Variants in RASSF2 observed in about 807,000 individuals in gnomAD.
RASSF2 encodes ras association domain-containing protein 2.
A neutral mutation model predicts 46.3 loss-of-function variants in RASSF2; 34 were observed. The observed-to-expected ratio is 0.73, with a 90% CI of 0.56 to 0.98. The LOEUF is 0.98. Ranked by LOEUF, RASSF2 falls within the 50% of genes least tolerant of loss-of-function variation. The probability of loss-of-function intolerance (pLI) is 0.00; values close to 1 mark genes in which losing one functional copy is unlikely to be tolerated. For missense variants in RASSF2, 364 were observed against 431.2 expected, an observed-to-expected ratio of 0.84 and a Z score of 1.38; for synonymous variants, 158 against 162.5, an observed-to-expected ratio of 0.97 and a Z score of 0.21.
intron 2 of RASSF2, among the ~76,000 whole-genome samples, chr20:4,810,930 G>T (rs373417626): frequency 1.3e-5 from 2 of 152,284 alleles, no homozygotes; most frequent in East Asian, 3.9e-4. Flanking sequence ...CCAAAGCCTG[G>T]ACTGAAACCA....
chr20:4,811,805 G>A (rs1927843317), intron 2 of RASSF2, among the ~76,000 whole-genome samples: 6 of 152,112 alleles, frequency 3.9e-5, no homozygotes, highest in Admixed American at 3.3e-4. Context: ...CTGGAGGCCT[G>A]TAGCTTCCTC....
intron 6 of RASSF2, among the ~76,000 whole-genome samples, chr20:4,791,624 C>A (rs1031217339): frequency 8.5e-5 from 13 of 152,234 alleles, no homozygotes; most frequent in African/African-American, 2.9e-4. Context: ...TGCAAACTGA[C>A]AATATCTATG....
Position 4,780,307 on chromosome 20 carries a change from T to C in RASSF2, c.*3966A>G, listed in dbSNP as rs1924678607. On this transcript the variant is annotated 3_prime_UTR_variant, in exon 12 of 12. Transcript: ENST00000379400. ...AGAAACATCAGCCTGGAAACAGGTC[T>C]GCGATCTGCAGGGAAGACTCCAAAG... 6.6e-6 allele frequency: 1 copy of C among 152,218 alleles called. No homozygotes were observed. The highest frequency in any genetic ancestry group is 1.5e-5 in the Non-Finnish European group (1 of 68,034). 9.4% of individuals were successfully genotyped at this position (152,218 alleles called of 1,614,324 possible).
Position 4,784,017 on chromosome 20 carries a change from T to C in RASSF2, c.*256A>G, listed in dbSNP as rs567304044. On this transcript the variant is annotated 3_prime_UTR_variant, in exon 12 of 12. Transcript: ENST00000379400. ...CACGTACCATGTGTGCACACACATGTACACACACACATTTTGGGTCCTCCT... is the reference window on the plus strand; with the variant it reads ...CACGTACCATGTGTGCACACACATGCACACACACACATTTTGGGTCCTCCT... 6.7e-5 allele frequency: 36 copies of C among 536,252 alleles called. No individual in the cohort carries two copies. Among genetic ancestry groups the C allele is most frequent in the African/African-American group, 4.6e-4 (24 of 52,594 alleles). 33.2% of individuals were successfully genotyped at this position (536,252 alleles called of 1,614,324 possible).
chr20:4,790,585 C>T lies in RASSF2; in HGVS notation c.403G>A (p.Glu135Lys), dbSNP rs1447360385. ...GTGCGCATCAGCTGTGGGGTGTCCT[C>T]CTGCAGGGGCTTCAGGCCCCTGGAG... ...TDSRGLKPLQ[E>K]DTPQLMRTRS... Residue 135 changes from glutamate (E) to lysine (K), a missense_variant, in exon 7 of 12, where the codon GAG (glutamate) becomes AAG (lysine). Physicochemically the swap from Glu to Lys is moderately conservative, Grantham distance 56 (BLOSUM62 1). Transcript: ENST00000379400. This position sits in a 1 kb window ranked among gnomAD's most constrained non-coding sequence, Gnocchi z 4.3. 2.6e-6 allele frequency: 4 copies of T among 1,529,628 alleles called. No homozygotes were observed. Among genetic ancestry groups the T allele is most frequent in the South Asian group, 1.3e-5 (1 of 77,632 alleles). The allele number at this position is 1,529,628 out of a possible 1,614,324, so 94.8% of individuals were successfully genotyped here. A position where few individuals can be genotyped will look rare whatever the true frequency, so the allele number is the denominator to read the frequency against.
chr20:4,797,918 G>GT (rs1926485111), intron 4 of RASSF2, 92 bp downstream of exon 4: 18 of 1,555,554 alleles, frequency 1.2e-5, no homozygotes, highest in Non-Finnish European at 1.5e-5. Flanking sequence ...GAGAGGCAGG[G>GT]TTCTCTTGGG....
chr20:4,820,499 G>A (rs1452696251), intron 2 of RASSF2, among the ~76,000 whole-genome samples: 3 of 151,876 alleles, frequency 2.0e-5, no homozygotes, highest in African/African-American at 7.3e-5. Flanking sequence ...GACAGAGAGA[G>A]ACCCTATGTC....
At chr20:4,794,864 C>T (rs1336265468) in intron 5 of RASSF2, among the ~76,000 whole-genome samples, 1 of 152,206 alleles carries the variant, frequency 6.6e-6, no homozygotes, top group African/African-American at 2.4e-5. Flanking sequence ...GAAACCAGAC[C>T]AGCCCCAGGG....
intron 2 of RASSF2, among the ~76,000 whole-genome samples, chr20:4,808,276 T>A (rs1235793189): frequency 6.6e-6 from 1 of 152,110 alleles, no homozygotes; most frequent in Non-Finnish European, 1.5e-5. Flanking sequence ...AAGAACCATT[T>A]ACGATCATGA....
intron 2 of RASSF2, among the ~76,000 whole-genome samples, chr20:4,804,479 A>G (rs1927175056): frequency 6.6e-6 from 1 of 150,490 alleles, no homozygotes; most frequent in Admixed American, 6.7e-5. Context: ...CTGGGATTAC[A>G]GGTATGTGCC....
At chr20:4,805,329 G>C (rs773768149) in intron 2 of RASSF2, among the ~76,000 whole-genome samples, 2 of 152,096 alleles carry the variant, frequency 1.3e-5, no homozygotes, top group Non-Finnish European at 2.9e-5. Context: ...AACTGCAGCA[G>C]AGGGAGAAAT....
At position 4,795,741 on chromosome 20, in the gene RASSF2, C is replaced by G. The variant is rs6052887; in HGVS notation, c.287+74G>C. 589,295 of 1,513,084 alleles carry G rather than the reference C, an allele frequency of 0.39. 116,113 individuals carry two copies. Among genetic ancestry groups the G allele is most frequent in the African/African-American group, 0.43 (30,367 of 70,674 alleles). The allele number at this position is 1,513,084 out of a possible 1,614,324, so 93.7% of individuals were successfully genotyped here. A position where few individuals can be genotyped will look rare whatever the true frequency, so the allele number is the denominator to read the frequency against. Reference sequence around the variant, plus strand: ...GTCAGGGCTGGCTGGAAGAAGGCAGCATTTATCTGCTTGAGAACACATAGA... The same window carrying G: ...GTCAGGGCTGGCTGGAAGAAGGCAGGATTTATCTGCTTGAGAACACATAGA... On this transcript the variant is annotated intron_variant, in intron 5 of 11. Coordinates refer to ENST00000379400, the MANE Select transcript of RASSF2 (RefSeq NM_014737.3). The surrounding 1 kb of genome is among the most constrained non-coding windows in gnomAD (Gnocchi z 4.0).
At chr20:4,802,918 T>A (rs1240370043) in intron 2 of RASSF2, among the ~76,000 whole-genome samples, 4 of 147,244 alleles carry the variant, frequency 2.7e-5, no homozygotes, top group Non-Finnish European at 4.5e-5. Flanking sequence ...ATATATATTT[T>A]TTTTTTTTGA....
chr20:4,813,645 C>T (rs1272142536), intron 2 of RASSF2, among the ~76,000 whole-genome samples: 3 of 152,216 alleles, frequency 2.0e-5, no homozygotes, highest in East Asian at 1.9e-4. Context: ...AGCGCTTAGC[C>T]ACTAATCAGA....
chr20:4,807,713 G>A (rs1327064043), intron 2 of RASSF2, among the ~76,000 whole-genome samples: 1 of 152,224 alleles, frequency 6.6e-6, no homozygotes, highest in African/African-American at 2.4e-5. Flanking sequence ...ATGGGGTCAT[G>A]TTGCCCCATC....
intron 4 of RASSF2, among the ~76,000 whole-genome samples, chr20:4,797,213 G>A (rs912794891): frequency 6.6e-6 from 1 of 152,128 alleles, no homozygotes. Flanking sequence ...ACAGGATTTT[G>A]TCTAAGTGGA....
At chr20:4,822,273 T>C (rs1000153425) in intron 2 of RASSF2, 56 bp downstream of exon 2, 1 of 152,210 alleles carries the variant, frequency 6.6e-6, no homozygotes, top group Non-Finnish European at 1.5e-5. Flanking sequence ...CAGGACAAAT[T>C]GTTGTTTGTC....
In RASSF2 at chr20:4,783,784, G is replaced by A. The variant is rs1925040763; in HGVS notation, c.*489C>T. 6.5e-6 allele frequency: 1 copy of A among 154,838 alleles called. No individual in the cohort carries two copies. Among genetic ancestry groups the A allele is most frequent in the Non-Finnish European group, 1.4e-5 (1 of 69,594 alleles). 9.6% of individuals were successfully genotyped at this position (154,838 alleles called of 1,614,324 possible). On this transcript the variant is annotated 3_prime_UTR_variant, in exon 12 of 12. Transcript: ENST00000379400. ...AAACAACCCAAATGGTGAACCTGGAGAACCCTCTTCCCTCTCTAAACACAG... is the reference window on the plus strand; with the variant it reads ...AAACAACCCAAATGGTGAACCTGGAAAACCCTCTTCCCTCTCTAAACACAG...
intron 2 of RASSF2, 74 bp from the exon 3 acceptor site, chr20:4,801,136 GA>G: frequency 8.4e-7 from 1 of 1,188,822 alleles, no homozygotes; most frequent in Non-Finnish European, 1.2e-6. Context: ...TTGGGGTGGG[GA>G]GGGGGCACAA....
Sources: gnomAD v4.1 joint callset for allele counts (sites outside exome capture counted in the v4.1 genomes callset) on GRCh38, gnomAD v4.1.1 for gene constraint, Gnocchi (gnomAD v3.1) non-coding constraint, MANE v1.5 for transcripts, NCBI Gene and HGNC (gene_info 2026-07-23, HGNC 2026-07-21) for gene names.